NFYA: variants seen among roughly 807,000 people sequenced by gnomAD.
NFYA encodes the protein nuclear transcription factor Y subunit alpha, also known as CAAT-box DNA binding protein subunit A.
Under a neutral mutation model 52.8 loss-of-function variants are expected in NFYA, and 28 were observed. The ratio of observed to expected loss-of-function variants is 0.53; its 90% CI spans 0.39 to 0.73. NFYA has a LOEUF of 0.73. Ranked by LOEUF, NFYA falls within the 30% of genes least tolerant of loss-of-function variation. The pLI is 0.00. For synonymous variants in NFYA, 150 were observed against 150.7 expected, an observed-to-expected ratio of 1.00 and a Z score of 0.03; for missense variants, 234 against 427.0, an observed-to-expected ratio of 0.55 and a Z score of 3.98.
chr6:41,080,225 G>A (rs1449642210), intron 2 of NFYA, among the ~76,000 whole-genome samples: 2 of 152,120 alleles, frequency 1.3e-5, no homozygotes, highest in African/African-American at 2.4e-5. Context: ...GAGACAGGAA[G>A]GTTGGCTTAA....
chr6:41,084,740 A>G lies in NFYA; in HGVS notation c.309+548A>G, dbSNP rs1423563111. 2.6e-5 allele frequency among the ~76,000 whole-genome samples: 4 copies of G among 152,348 alleles called. No homozygotes were observed. In the South Asian group the frequency reaches 6.2e-4, roughly 24 times the overall value. ...CACTTGGGGAGGCCAAGGCAGGTGG[A>G]TCACTTGAGGCCAGGAGTTCAAGAC... On this transcript the variant is annotated intron_variant, in intron 4 of 9. Coordinates refer to ENST00000341376, the MANE Select transcript of NFYA (RefSeq NM_002505.5).
At position 41,090,264 on chromosome 6, in the gene NFYA, A is replaced by G; in HGVS notation, c.502A>G (p.Ile168Val). The G allele has an allele frequency of 6.2e-7, 1 of 1,614,058 alleles. No homozygotes were observed. The highest frequency in any genetic ancestry group is 8.5e-7 in the Non-Finnish European group (1 of 1,179,950). The change falls in exon 6 of 10, where the codon ATC becomes GTC. Residue 168 changes from isoleucine (I) to valine (V), a missense_variant. Physicochemically the swap from Ile to Val is conservative, Grantham distance 29 (BLOSUM62 3). Transcript: ENST00000341376. ...GGCACAGACTGCTGAAGGGCAGACC[A>G]TCGTCTATCAACCAGTTAATGCAGA... ...QVAQTAEGQT[I>V]VYQPVNADGT... is the part of the protein sequence containing the mutation.
At chr6:41,095,611 TG>T (rs1764331965) in intron 9 of NFYA, among the ~76,000 whole-genome samples, 2 of 152,180 alleles carry the variant, frequency 1.3e-5, no homozygotes, top group South Asian at 4.1e-4. Flanking sequence ...TTAAATTTTT[TG>T]TAGAAATGGA....
chr6:41,089,827 AAT>A, intron 5 of NFYA, 117 bp downstream of exon 5: 1 of 1,437,220 alleles, frequency 7.0e-7, no homozygotes, highest in Non-Finnish European at 9.3e-7. Context: ...ACCATAAAAA[AAT>A]ATATTTTTGG....
intron 5 of NFYA, 52 bp from the exon 6 acceptor site, chr6:41,090,152 T>G: frequency 8.2e-7 from 1 of 1,220,628 alleles, no homozygotes; most frequent in Non-Finnish European, 1.2e-6. Flanking sequence ...ACATCGTTCT[T>G]TGTTAGTATC....
chr6:41,078,495 T>C (rs915900829), intron 1 of NFYA, among the ~76,000 whole-genome samples: 1 of 152,242 alleles, frequency 6.6e-6, no homozygotes, highest in Non-Finnish European at 1.5e-5. Flanking sequence ...ATCATTTTAA[T>C]TTTTTAATGA....
In NFYA at chr6:41,073,491, C is replaced by T. The variant is rs116699952; in HGVS notation, c.-62+407C>T. On this transcript the variant is annotated intron_variant, in intron 1 of 9. Transcript: ENST00000341376. ...GCGATTTCCTCCTGGTCGTTCTGGC[C>T]GCAAACTTAAACCTGCCCTTGCACT... is the stretch of plus-strand genomic sequence containing the variant. Among the ~76,000 whole-genome samples the T allele has an allele frequency of 8.0e-3, 1,223 of 152,124 alleles. 17 individuals are homozygous for T. Among genetic ancestry groups the T allele is most frequent in the African/African-American group, 0.027 (1,138 of 41,530 alleles).
intron 8 of NFYA, 48 bp downstream of exon 8, chr6:41,093,133 CT>C: frequency 6.5e-7 from 1 of 1,532,338 alleles, no homozygotes; most frequent in Non-Finnish European, 8.9e-7. Flanking sequence ...TAGCAGGGTT[CT>C]ACTTTTGAAA....
chr6:41,100,239 G>A lies in NFYA; in HGVS notation c.*2829G>A, dbSNP rs1316933763. 6.6e-6 allele frequency among the ~76,000 whole-genome samples: 1 copy of A among 152,190 alleles called. No individual in the cohort carries two copies. The highest frequency in any genetic ancestry group is 1.5e-5 in the Non-Finnish European group (1 of 68,032). The stretch of plus-strand genomic sequence containing the variant: ...TACTACTGAAAGTGTTTATCAAAAT[G>A]TGATGAAGTAATTCCATGAGGAAAA... On this transcript the variant is annotated 3_prime_UTR_variant, in exon 10 of 10. Coordinates refer to ENST00000341376, the MANE Select transcript of NFYA (RefSeq NM_002505.5).
At chr6:41,086,851 TA>T (rs1183658406) in intron 4 of NFYA, among the ~76,000 whole-genome samples, 2 of 152,172 alleles carry the variant, frequency 1.3e-5, no homozygotes, top group Non-Finnish European at 2.9e-5. Context: ...TACTGTATTT[TA>T]AAAAATATTT....
rs1030853198 is a variant in NFYA, at chr6:41,100,840, G to T, written c.*3430G>T. Reference sequence around the variant, plus strand: ...GCCGCACCTCCAGCCCCTTCTCCCCGGGGAAGTAGGCCCCGCTAAGAATGT... The same window carrying T: ...GCCGCACCTCCAGCCCCTTCTCCCCTGGGAAGTAGGCCCCGCTAAGAATGT... On this transcript the variant is annotated 3_prime_UTR_variant, in exon 10 of 10. Transcript: ENST00000341376. Among the ~76,000 whole-genome samples the T allele has an allele frequency of 2.6e-5, 4 of 152,238 alleles. No homozygotes were observed. The highest frequency in any genetic ancestry group is 9.6e-5 in the African/African-American group (4 of 41,476).
intron 1 of NFYA, among the ~76,000 whole-genome samples, chr6:41,078,429 T>C (rs1763800620): frequency 6.6e-6 from 1 of 152,216 alleles, no homozygotes; most frequent in African/African-American, 2.4e-5. Context: ...CATTTTTGTT[T>C]ATATATCTGT....
rs1764392241 is a variant in NFYA, at chr6:41,097,415, A to G, written c.*5A>G. 5 of 1,613,794 alleles carry G rather than the reference A, an allele frequency of 3.1e-6. No homozygotes were observed. The East Asian group carries it at 8.9e-5, about 29-fold the overall frequency. ...CAGATCATCCGAGTGTCCTAACCCC[A>G]CGCCATGTGATGGAGCTGATCAAGG... On this transcript the variant is annotated 3_prime_UTR_variant, in exon 10 of 10. Coordinates refer to ENST00000341376, the MANE Select transcript of NFYA (RefSeq NM_002505.5).
intron 1 of NFYA, chr6:41,075,588 T>A (rs1763711220): frequency 6.6e-6 from 1 of 152,190 alleles, no homozygotes; most frequent in South Asian, 2.1e-4. Flanking sequence ...CATGCTGAAA[T>A]ATTTCTGTTC....
intron 4 of NFYA, among the ~76,000 whole-genome samples, chr6:41,085,365 A>T (rs1764017897): frequency 6.6e-6 from 1 of 152,232 alleles, no homozygotes; most frequent in Admixed American, 6.5e-5. Context: ...TAATATATTC[A>T]TAGGGAATAT....
chr6:41,088,827 C>T lies in NFYA; in HGVS notation c.310-752C>T, dbSNP rs142496596. Among the ~76,000 whole-genome samples the T allele has an allele frequency of 3.8e-3, 582 of 152,174 alleles. 1 individual carries two copies. Among genetic ancestry groups the T allele is most frequent in the Middle Eastern group, 0.017 (5 of 294 alleles). Reference sequence around the variant, plus strand: ...TCTCGAACTCCTGACCTAATCTGCTCGCCTCAGCCTCCTGAAGTGCTGGGA... The same window carrying T: ...TCTCGAACTCCTGACCTAATCTGCTTGCCTCAGCCTCCTGAAGTGCTGGGA... On this transcript the variant is annotated intron_variant, in intron 4 of 9. Transcript: ENST00000341376.
intron 1 of NFYA, chr6:41,075,468 G>A (rs1375812385): frequency 6.6e-6 from 1 of 151,590 alleles, no homozygotes; most frequent in East Asian, 1.9e-4. Flanking sequence ...TAACTTTTTT[G>A]CTAAATACCT....
At position 41,101,879 on chromosome 6, in the gene NFYA, T is replaced by C. The variant is rs1764511034; in HGVS notation, c.*4469T>C. 1 of 152,246 alleles carries C rather than the reference T, an allele frequency of 6.6e-6. No homozygotes were observed. The allele number at this position is 152,246 out of a possible 1,614,324, so 9.4% of individuals were successfully genotyped here. A position where few individuals can be genotyped will look rare whatever the true frequency, so the allele number is the denominator to read the frequency against. ...CCTTAGTAGTTTCTAAGTTACACCA[T>C]GTTAATGGATAAAGGAATTACTCAG... On this transcript the variant is annotated 3_prime_UTR_variant, in exon 10 of 10. Transcript: ENST00000341376.
intron 1 of NFYA, among the ~76,000 whole-genome samples, chr6:41,078,026 A>G (rs1239858272): frequency 1.3e-5 from 2 of 152,190 alleles, no homozygotes; most frequent in African/African-American, 4.8e-5. Context: ...TAGAAATAAG[A>G]ATTTTCAAGT....
Sources: gnomAD v4.1 joint callset for allele counts (sites outside exome capture counted in the v4.1 genomes callset) on GRCh38, gnomAD v4.1.1 for gene constraint, MANE v1.5 for transcripts, NCBI Gene and HGNC (gene_info 2026-07-23, HGNC 2026-07-21) for gene names.